The following MGAT5B variants were observed in gnomAD, a reference collection of about 807,000 sequenced individuals.
MGAT5B encodes N-acetylglucosaminyl-transferase Vb.
A neutral mutation model predicts 95.1 loss-of-function variants in MGAT5B; 54 were observed. The observed-to-expected ratio is 0.57, with a 90% CI of 0.46 to 0.71. The LOEUF (loss-of-function observed/expected upper bound fraction) is 0.71. Ranked by LOEUF, MGAT5B falls within the 30% of genes least tolerant of loss-of-function variation. The pLI is 0.00. For missense variants in MGAT5B, 935 were observed against 1,088.6 expected, an observed-to-expected ratio of 0.86 and a Z score of 1.99; for synonymous variants, 464 against 451.0, an observed-to-expected ratio of 1.03 and a Z score of -0.36.
chr17:76,924,913 G>A (rs933171712), intron 8 of MGAT5B, 53 bp from the exon 9 acceptor site: 48 of 1,604,882 alleles, frequency 3.0e-5, no homozygotes, highest in Middle Eastern at 1.7e-4. Context: ...TGGGGTGGCC[G>A]GTTGGGCAGG....
At chr17:76,947,621 AC>A (rs1365975315) in intron 16 of MGAT5B, among the ~76,000 whole-genome samples, 1 of 152,164 alleles carries the variant, frequency 6.6e-6, no homozygotes, top group Non-Finnish European at 1.5e-5. Context: ...GGATGCCGTG[AC>A]CTCTGAGCCT....
At chr17:76,927,364 C>T (rs757760944) in intron 10 of MGAT5B, among the ~76,000 whole-genome samples, 2 of 152,016 alleles carry the variant, frequency 1.3e-5, no homozygotes, top group African/African-American at 2.4e-5. Flanking sequence ...CTCAGCCTCC[C>T]GAGTAGCTGG....
intron 2 of MGAT5B, among the ~76,000 whole-genome samples, chr17:76,881,518 G>A (rs654711): frequency 0.36 from 55,353 of 152,120 alleles, 12,555 homozygotes; most frequent in African/African-American, 0.61. Flanking sequence ...CAGGGCCCTG[G>A]GGCCCTGAAC....
chr17:76,907,648 T>C (rs1598942567), intron 8 of MGAT5B, among the ~76,000 whole-genome samples: 4 of 152,390 alleles, frequency 2.6e-5, no homozygotes, highest in Admixed American at 2.6e-4. Context: ...TGAAATGGTT[T>C]TGAACGTTGC....
At chr17:76,923,381 AGCTG>A (rs67975221) in intron 8 of MGAT5B, among the ~76,000 whole-genome samples, 49,119 of 151,680 alleles carry the variant, frequency 0.32, 8,994 homozygotes, top group East Asian at 0.53. Flanking sequence ...CCTCCTGCAG[AGCTG>A]GCTGGCACCT....
chr17:76,887,254 T>C (rs1213991869), intron 3 of MGAT5B, among the ~76,000 whole-genome samples: 2 of 152,110 alleles, frequency 1.3e-5, no homozygotes, highest in Admixed American at 6.5e-5. Flanking sequence ...AGTGCCATTA[T>C]TGCCATGGCT....
chr17:76,940,904 A>G lies in MGAT5B; in HGVS notation c.1848+56A>G. On this transcript the variant is annotated intron_variant, in intron 15 of 17. Transcript: ENST00000569840. This position sits in a 1 kb window ranked among gnomAD's most constrained non-coding sequence, Gnocchi z 4.3. Reference sequence around the variant, plus strand: ...CCACTAGTCCACACTGCTGGTCTTCACTCTGATTAGAAAACGGTGCCCCCC... The same window carrying G: ...CCACTAGTCCACACTGCTGGTCTTCGCTCTGATTAGAAAACGGTGCCCCCC... The G allele has an allele frequency of 1.4e-6, 2 of 1,451,332 alleles. No individual in the cohort carries two copies. The highest frequency in any genetic ancestry group is 3.4e-5 in the Admixed American group (2 of 58,606). The allele number at this position is 1,451,332 out of a possible 1,614,324, so 89.9% of individuals were successfully genotyped here. A position where few individuals can be genotyped will look rare whatever the true frequency, so the allele number is the denominator to read the frequency against.
At chr17:76,946,541 C>G in intron 16 of MGAT5B, 91 bp downstream of exon 16, 1 of 1,121,062 alleles carries the variant, frequency 8.9e-7, no homozygotes, top group Non-Finnish European at 1.2e-6. Context: ...GCCCTGCACC[C>G]GTGAAACCAT....
chr17:76,937,392 G>A (rs1465686009), intron 12 of MGAT5B, among the ~76,000 whole-genome samples: 1 of 152,114 alleles, frequency 6.6e-6, no homozygotes, highest in Non-Finnish European at 1.5e-5. Flanking sequence ...TGTGTGAGAG[G>A]GATGGATGGA....
At position 76,868,710 on chromosome 17, in the gene MGAT5B, C is replaced by T. The variant is rs539293720; in HGVS notation, c.-320C>T. The stretch of plus-strand genomic sequence containing the variant: ...CTGCGCGCCGCGGCACCTTCCCGCC[C>T]AGCGAGCGAGCCCGAGCAGGCAGAC... On this transcript the variant is annotated 5_prime_UTR_variant, in exon 1 of 18. Coordinates refer to ENST00000569840, the MANE Select transcript of MGAT5B (RefSeq NM_001199172.2). The surrounding 1 kb of genome is among the most constrained non-coding windows in gnomAD (Gnocchi z 6.3). The T allele has an allele frequency of 4.3e-3, 702 of 161,468 alleles. 3 individuals are homozygous for T. The highest frequency in any genetic ancestry group is 0.014 in the Middle Eastern group (5 of 352). 10.0% of individuals were successfully genotyped at this position (161,468 alleles called of 1,614,324 possible).
chr17:76,944,050 G>A (rs977865950), intron 15 of MGAT5B: 1 of 152,302 alleles, frequency 6.6e-6, no homozygotes, highest in Non-Finnish European at 1.5e-5. Context: ...GGCCATTCAA[G>A]GTGATGCCAA....
In MGAT5B at chr17:76,938,398, A is replaced by T. The variant is rs1969744301; in HGVS notation, c.1584+255A>T. 6.6e-6 allele frequency among the ~76,000 whole-genome samples: 1 copy of T among 152,192 alleles called. No homozygotes were observed. Among genetic ancestry groups the T allele is most frequent in the African/African-American group, 2.4e-5 (1 of 41,452 alleles). On this transcript the variant is annotated intron_variant, in intron 13 of 17. Transcript: ENST00000569840. This position sits in a 1 kb window ranked among gnomAD's most constrained non-coding sequence, Gnocchi z 4.3. ...CAGAGCCGTGGCTCAGTGATGGGGA[A>T]GTAGAGTTGGACTGCCCATCCTCCC...
At position 76,950,218 on chromosome 17, in the gene MGAT5B, C is replaced by T. The variant is rs1970164349; in HGVS notation, c.*1380C>T. 2 of 152,656 alleles carry T rather than the reference C, an allele frequency of 1.3e-5. No individual in the cohort carries two copies. Among genetic ancestry groups the T allele is most frequent in the Admixed American group, 6.5e-5 (1 of 15,290 alleles). The allele number at this position is 152,656 out of a possible 1,614,324, so 9.5% of individuals were successfully genotyped here. ...TGGACGCTTCCTGTGGGAGTCCCCTCCAGACCTGGCTGGCCCCTGCAGCCA... is the reference window on the plus strand; with the variant it reads ...TGGACGCTTCCTGTGGGAGTCCCCTTCAGACCTGGCTGGCCCCTGCAGCCA... On this transcript the variant is annotated 3_prime_UTR_variant, in exon 18 of 18. Coordinates refer to ENST00000569840, the MANE Select transcript of MGAT5B (RefSeq NM_001199172.2).
At position 76,928,940 on chromosome 17, in the gene MGAT5B, C is replaced by T. The variant is rs562792624; in HGVS notation, c.1291+2210C>T. 4.2e-4 allele frequency among the ~76,000 whole-genome samples: 63 copies of T among 151,740 alleles called. 1 individual carries two copies. Among genetic ancestry groups the T allele is most frequent in the Non-Finnish European group, 7.8e-4 (53 of 67,920 alleles). ...GAGTGCAGTGGCGCGACCTCGGCTC[C>T]CTGCAACCTCCACCTCCCGGGTTCA... On this transcript the variant is annotated intron_variant, in intron 10 of 17. Transcript: ENST00000569840.
rs757905070 is a variant in MGAT5B, at chr17:76,930,006, C to T, written c.1292-2639C>T. 2.0e-5 allele frequency among the ~76,000 whole-genome samples: 3 copies of T among 152,006 alleles called. No individual in the cohort carries two copies. The highest frequency in any genetic ancestry group is 4.4e-5 in the Non-Finnish European group (3 of 68,014). On this transcript the variant is annotated intron_variant, in intron 10 of 17. Transcript: ENST00000569840. This position sits in a 1 kb window ranked among gnomAD's most constrained non-coding sequence, Gnocchi z 4.1. Reference sequence around the variant, plus strand: ...GGCTGGGTGGCAGTCTTGGAGAAGCCAGAGGGGAGGGGAAGATGGTGCCGG... The same window carrying T: ...GGCTGGGTGGCAGTCTTGGAGAAGCTAGAGGGGAGGGGAAGATGGTGCCGG...
chr17:76,882,046 TG>T (rs11386896), intron 2 of MGAT5B, 104 bp from the exon 3 acceptor site: 3 of 1,249,608 alleles, frequency 2.4e-6, no homozygotes, highest in Non-Finnish European at 3.3e-6. Flanking sequence ...TGGTTGGTGC[TG>T]GGGGACTTTG....
chr17:76,922,280 C>A (rs1969144873), intron 8 of MGAT5B, among the ~76,000 whole-genome samples: 1 of 152,220 alleles, frequency 6.6e-6, no homozygotes, highest in South Asian at 2.1e-4. Context: ...CTTAATTTTA[C>A]TAGACCCAGA....
In MGAT5B at chr17:76,933,277, C is replaced by T. The variant is rs755383883; in HGVS notation, c.1423-15C>T. ...TCTCTCTCTGTTCCTTGTGCTCCCC[C>T]TGGCCACGAGGCAGCTCCAGGTATG... On this transcript the variant is annotated splice_polypyrimidine_tract_variant and intron_variant, in intron 11 of 17. Coordinates refer to ENST00000569840, the MANE Select transcript of MGAT5B (RefSeq NM_001199172.2). The T allele has an allele frequency of 3.1e-6, 5 of 1,598,216 alleles. No individual in the cohort carries two copies. Among genetic ancestry groups the T allele is most frequent in the Non-Finnish European group, 3.4e-6 (4 of 1,179,758 alleles).
chr17:76,928,353 G>A (rs912228801), intron 10 of MGAT5B, among the ~76,000 whole-genome samples: 1 of 152,070 alleles, frequency 6.6e-6, no homozygotes, highest in African/African-American at 2.4e-5. Context: ...ATGGTGCTCC[G>A]GGCTGTGGAA....
Sources: allele counts gnomAD v4.1 joint callset (sites outside exome capture counted in the v4.1 genomes callset), GRCh38; gene constraint gnomAD v4.1.1; non-coding constraint Gnocchi (gnomAD v3.1); transcripts MANE v1.5; gene names NCBI Gene and HGNC (gene_info 2026-07-23, HGNC 2026-07-21).